Variants in RAB3C observed in about 807,000 individuals in gnomAD.
The protein encoded by RAB3C is ras-related protein Rab-3C.
RAB3C carries 17 observed loss-of-function variants against 26.4 expected under a neutral mutation model. That is an observed-to-expected ratio of 0.64 (90% CI 0.44 to 0.97). The LOEUF is 0.97. RAB3C is among the 50% of genes least tolerant of loss of function. The pLI is 0.00. For missense variants in RAB3C, 242 were observed against 281.9 expected, an observed-to-expected ratio of 0.86 and a Z score of 1.01; for synonymous variants, 91 against 95.9, an observed-to-expected ratio of 0.95 and a Z score of 0.30.
intron 2 of RAB3C, among the ~76,000 whole-genome samples, chr5:58,644,062 C>G (rs778590343): frequency 6.6e-6 from 1 of 152,092 alleles, no homozygotes; most frequent in East Asian, 1.9e-4. Context: ...CTCAGGTGAT[C>G]CACCTGCCTC....
At chr5:58,735,413 G>A (rs1741111395) in intron 3 of RAB3C, among the ~76,000 whole-genome samples, 1 of 152,180 alleles carries the variant, frequency 6.6e-6, no homozygotes. Flanking sequence ...TGGAATATGT[G>A]AGTAACGAGG....
chr5:58,700,725 A>C (rs1748823356), intron 2 of RAB3C, among the ~76,000 whole-genome samples: 1 of 152,224 alleles, frequency 6.6e-6, no homozygotes, highest in Non-Finnish European at 1.5e-5. Flanking sequence ...ATAGGTGTGT[A>C]TATAAAATAT....
intron 1 of RAB3C, among the ~76,000 whole-genome samples, chr5:58,591,794 TTC>T (rs1359593143): frequency 6.6e-6 from 1 of 150,814 alleles, no homozygotes; most frequent in East Asian, 1.9e-4. Flanking sequence ...TTTTAATTTA[TTC>T]TGTTTCTTTT....
At chr5:58,838,206 C>T (rs564093383) in intron 4 of RAB3C, among the ~76,000 whole-genome samples, 152 of 152,026 alleles carry the variant, frequency 1.0e-3, no homozygotes, top group Non-Finnish European at 1.9e-3. Context: ...CAGTGAAACC[C>T]CGTCTCTACT....
At chr5:58,706,050 A>G (rs188209695) in intron 2 of RAB3C, among the ~76,000 whole-genome samples, 57 of 152,314 alleles carry the variant, frequency 3.7e-4, no homozygotes, top group Non-Finnish European at 2.1e-4. Flanking sequence ...GTTACTTGAG[A>G]TGAATTTTTA....
rs140964389 is a variant in RAB3C at position 58,613,975 on chromosome 5, G to T, written c.25-3668G>T. Among the ~76,000 whole-genome samples, 414 of 152,184 alleles carry T rather than the reference G, an allele frequency of 2.7e-3. 1 individual carries two copies. Among genetic ancestry groups the T allele is most frequent in the African/African-American group, 9.4e-3 (389 of 41,540 alleles). ...TTCACAGCATAGTAAACATCTTGCT[G>T]CTCAGTGTGAAGGATGAAGCTAGGA... On this transcript the variant is annotated intron_variant, in intron 1 of 4. Coordinates refer to ENST00000282878, the MANE Select transcript of RAB3C (RefSeq NM_138453.4).
chr5:58,672,191 G>A (rs1748132038), intron 2 of RAB3C, among the ~76,000 whole-genome samples: 1 of 152,152 alleles, frequency 6.6e-6, no homozygotes, highest in East Asian at 1.9e-4. Context: ...TTTGGATGAG[G>A]GGTCAGGAGT....
At chr5:58,807,410 T>C (rs1464583260) in intron 3 of RAB3C, among the ~76,000 whole-genome samples, 1 of 152,210 alleles carries the variant, frequency 6.6e-6, no homozygotes, top group Non-Finnish European at 1.5e-5. Flanking sequence ...CATGCTAAGT[T>C]GCAGCTACTA....
chr5:58,675,615 C>CTT (rs1195191076), intron 2 of RAB3C, among the ~76,000 whole-genome samples: 217 of 89,340 alleles, frequency 2.4e-3, no homozygotes, highest in South Asian at 7.0e-3. Flanking sequence ...GGCCATTTGT[C>CTT]TTTTTTTTTT....
At chr5:58,700,294 T>C (rs1430573084) in intron 2 of RAB3C, among the ~76,000 whole-genome samples, 1 of 152,214 alleles carries the variant, frequency 6.6e-6, no homozygotes, top group Non-Finnish European at 1.5e-5. Context: ...TGATTTAGTT[T>C]TATGAAACTT....
intron 2 of RAB3C, among the ~76,000 whole-genome samples, chr5:58,678,843 A>T (rs990397981): frequency 2.0e-5 from 3 of 152,246 alleles, no homozygotes; most frequent in African/African-American, 7.2e-5. Flanking sequence ...CTAAAAGGGC[A>T]TATTCTAATC....
intron 2 of RAB3C, among the ~76,000 whole-genome samples, chr5:58,718,271 G>A (rs868743851): frequency 6.6e-6 from 1 of 152,048 alleles, no homozygotes; most frequent in Non-Finnish European, 1.5e-5. Flanking sequence ...AATAAGTAAA[G>A]ATGCCTCTAT....
intron 2 of RAB3C, among the ~76,000 whole-genome samples, chr5:58,684,418 C>A (rs887671432): frequency 6.6e-6 from 1 of 152,148 alleles, no homozygotes; most frequent in Non-Finnish European, 1.5e-5. Flanking sequence ...TTGAGGCAGC[C>A]TAGAGATCCA....
At chr5:58,746,859 T>C (rs1173298996) in intron 3 of RAB3C, among the ~76,000 whole-genome samples, 2 of 152,262 alleles carry the variant, frequency 1.3e-5, no homozygotes, top group Admixed American at 1.3e-4. Flanking sequence ...GTTGATATTT[T>C]ATTGATTCAT....
At chr5:58,695,593 T>C (rs1748680488) in intron 2 of RAB3C, among the ~76,000 whole-genome samples, 1 of 152,226 alleles carries the variant, frequency 6.6e-6, no homozygotes, top group Non-Finnish European at 1.5e-5. Flanking sequence ...TCCTCTTTTA[T>C]TTCGTTGAGC....
rs547607973 is a variant in RAB3C, at chr5:58,805,539, C to T, written c.372-19499C>T. On this transcript the variant is annotated intron_variant, in intron 3 of 4. Coordinates refer to ENST00000282878, the MANE Select transcript of RAB3C (RefSeq NM_138453.4). ...GGCAGACGTTGCAGTGAGCTGAGAT[C>T]GCGCCACTGCACTCCACTCCAGCCT... Among the ~76,000 whole-genome samples the T allele has an allele frequency of 6.1e-5, 9 of 146,866 alleles. No individual in the cohort carries two copies. In the South Asian group the frequency reaches 8.7e-4, roughly 14 times the overall value.
At chr5:58,588,737 T>C (rs1472791131) in intron 1 of RAB3C, among the ~76,000 whole-genome samples, 1 of 152,168 alleles carries the variant, frequency 6.6e-6, no homozygotes, top group African/African-American at 2.4e-5. Context: ...ACCTGGGGTC[T>C]GTATCCAGAC....
At chr5:58,838,378 CA>C (rs35356886) in intron 4 of RAB3C, among the ~76,000 whole-genome samples, 117,735 of 141,628 alleles carry the variant, frequency 0.83, 49,048 homozygotes, top group Middle Eastern at 0.91. Flanking sequence ...GACTCCCTCT[CA>C]AAAAAAAAAA....
At chr5:58,811,407 T>C (rs1353240923) in intron 3 of RAB3C, among the ~76,000 whole-genome samples, 1 of 152,056 alleles carries the variant, frequency 6.6e-6, no homozygotes, top group African/African-American at 2.4e-5. Context: ...GAGAGGATTT[T>C]ATAGTGATTT....
Sources: allele counts gnomAD v4.1 joint callset (sites outside exome capture counted in the v4.1 genomes callset), GRCh38; gene constraint gnomAD v4.1.1; transcripts MANE v1.5; gene names NCBI Gene and HGNC (gene_info 2026-07-23, HGNC 2026-07-21).